Variants in GK observed in about 807,000 individuals in gnomAD.
GK encodes glycerol kinase.
GK carries 9 observed loss-of-function variants against 56.4 expected under a neutral mutation model. The observed-to-expected ratio is 0.16, with a 90% CI of 0.10 to 0.28. The LOEUF (loss-of-function observed/expected upper bound fraction) is 0.28. GK is among the 10% of genes least tolerant of loss of function. GK has a pLI of 1.00. For missense variants in GK, 161 were observed against 431.4 expected, an observed-to-expected ratio of 0.37 and a Z score of 5.55; for synonymous variants, 104 against 144.1, an observed-to-expected ratio of 0.72 and a Z score of 1.99.
intron 4 of GK, among the ~76,000 whole-genome samples, chrX:30,684,822 G>C (rs1293061884): frequency 8.9e-6 from 1 of 111,840 alleles, no homozygotes; most frequent in Non-Finnish European, 1.9e-5. Context: ...TTAAATGGTA[G>C]TGCAAACATT....
At chrX:30,677,259 A>G in intron 3 of GK, 116 bp from the exon 4 acceptor site, 1 of 532,025 alleles carries the variant, frequency 1.9e-6, no homozygotes, top group Non-Finnish European at 3.4e-6. Flanking sequence ...TGTTTCAAGT[A>G]TTTTTTTGAT....
intron 4 of GK, among the ~76,000 whole-genome samples, chrX:30,690,069 G>T (rs1383461015): frequency 8.9e-6 from 1 of 111,831 alleles, no homozygotes; most frequent in Non-Finnish European, 1.9e-5. Flanking sequence ...AGAAAGAATT[G>T]ATTAAAATTT....
At chrX:30,702,386 G>C (rs1315662062) in intron 11 of GK, among the ~76,000 whole-genome samples, 2 of 112,317 alleles carry the variant, frequency 1.8e-5, no homozygotes, top group African/African-American at 6.5e-5. Flanking sequence ...CCAATTATAC[G>C]TATTCATGAA....
At chrX:30,670,706 TG>T (rs1210870192) in intron 3 of GK, among the ~76,000 whole-genome samples, 1 of 112,289 alleles carries the variant, frequency 8.9e-6, no homozygotes, top group Non-Finnish European at 1.9e-5. Context: ...TAAAGGAGGC[TG>T]GGTGCAGTGG....
chrX:30,707,716 G>T, intron 12 of GK, 118 bp downstream of exon 12: 1 of 477,557 alleles, frequency 2.1e-6, no homozygotes, highest in Admixed American at 3.7e-5. Context: ...CTTTATCAGG[G>T]TTTAATTTAG....
intron 2 of GK, among the ~76,000 whole-genome samples, chrX:30,666,899 A>G (rs758759622): frequency 8.9e-6 from 1 of 111,811 alleles, no homozygotes; most frequent in South Asian, 3.6e-4. Context: ...TCACGCCTGT[A>G]ATCCCAGCAC....
In GK at chrX:30,728,987, C is replaced by T. The variant is rs1332994966; in HGVS notation, c.*245C>T. On this transcript the variant is annotated 3_prime_UTR_variant, in exon 21 of 21. Transcript: ENST00000427190. ...TCCACAGTTAAGGTTGGGCCAGCTACCTTTGGGGCTGACCCCCTCCATTGC... is the reference window on the plus strand; with the variant it reads ...TCCACAGTTAAGGTTGGGCCAGCTATCTTTGGGGCTGACCCCCTCCATTGC... 5.2e-6 allele frequency: 2 copies of T among 385,257 alleles called. No homozygotes were observed. The highest frequency in any genetic ancestry group is 4.4e-5 in the Admixed American group (1 of 22,800). The allele number at this position is 385,257 out of a possible 1,213,427, so 31.7% of individuals were successfully genotyped here.
chrX:30,662,869 C>CTTT (rs10644351), intron 1 of GK, among the ~76,000 whole-genome samples: 7 of 60,311 alleles, frequency 1.2e-4, no homozygotes, highest in East Asian at 4.8e-4. Flanking sequence ...TTCTTTCTTT[C>CTTT]TCTTTCTTTC....
In GK at chrX:30,674,556, C is replaced by G. The variant is rs1264892432; in HGVS notation, c.260-2819C>G. 1.4e-5 allele frequency: 3 copies of G among 211,341 alleles called. No homozygotes were observed. In the East Asian group the frequency reaches 3.4e-4, roughly 24 times the overall value. The allele number at this position is 211,341 out of a possible 1,213,427, so 17.4% of individuals were successfully genotyped here. ...CCATCCCCTCATTCTCCTTTCTCTT[C>G]TTTATTTACTTTTATAAACATTTTT... On this transcript the variant is annotated intron_variant, in intron 3 of 20. Coordinates refer to ENST00000427190, the MANE Select transcript of GK (RefSeq NM_001205019.2).
intron 5 of GK, among the ~76,000 whole-genome samples, chrX:30,691,705 C>T (rs1330883174): frequency 9.1e-6 from 1 of 110,035 alleles, no homozygotes; most frequent in African/African-American, 3.3e-5. Flanking sequence ...ATCTCCTGAC[C>T]TCATGATCCG....
At position 30,679,321 on chromosome X, in the gene GK, G is replaced by A. The variant is rs139989077; in HGVS notation, c.337+1869G>A. ...CTCGCTCTATCTCCCAGGTTCAAGT[G>A]ATTTTCGTGCCTCGGCCTCCCAAGT... is the stretch of plus-strand genomic sequence containing the variant. On this transcript the variant is annotated intron_variant, in intron 4 of 20. Transcript: ENST00000427190. Among the ~76,000 whole-genome samples, 636 of 107,165 alleles carry A rather than the reference G, an allele frequency of 5.9e-3. 4 individuals carry two copies. The highest frequency in any genetic ancestry group is 0.021 in the African/African-American group (607 of 29,318). 93.1% of individuals were successfully genotyped at this position (107,165 alleles called of 115,157 possible).
chrX:30,714,875 C>T (rs1330232174), intron 13 of GK, among the ~76,000 whole-genome samples: 3 of 111,876 alleles, frequency 2.7e-5, no homozygotes, highest in Non-Finnish European at 5.6e-5. Flanking sequence ...AATTTTAGTT[C>T]CCCAACTTGT....
intron 6 of GK, 62 bp downstream of exon 6, chrX:30,694,599 G>A (rs1274977857): frequency 3.1e-6 from 3 of 980,895 alleles, no homozygotes; most frequent in East Asian, 3.1e-5. Context: ...AGACTGCCTT[G>A]CCTATTGTTT....
intron 3 of GK, among the ~76,000 whole-genome samples, chrX:30,674,139 G>A (rs752913013): frequency 9.0e-6 from 1 of 111,614 alleles, no homozygotes; most frequent in South Asian, 3.8e-4. Context: ...CTGTAACCCT[G>A]TAAAGTTGGA....
At chrX:30,699,347 A>T (rs1407072711) in intron 9 of GK, among the ~76,000 whole-genome samples, 6 of 91,381 alleles carry the variant, frequency 6.6e-5, no homozygotes, top group African/African-American at 2.4e-4. Flanking sequence ...CATACGTTTT[A>T]TATATATATA....
chrX:30,693,610 G>T (rs192541701), intron 5 of GK, among the ~76,000 whole-genome samples: 1 of 111,314 alleles, frequency 9.0e-6, no homozygotes, highest in East Asian at 2.8e-4. Context: ...GTGCAGTGGT[G>T]CAATCTCAGC....
At chrX:30,665,704 G>A in intron 2 of GK, 120 bp downstream of exon 2, 1 of 486,621 alleles carries the variant, frequency 2.1e-6, no homozygotes, top group Non-Finnish European at 3.7e-6. Context: ...CATTTGAAAG[G>A]TTGTTATTAG....
At chrX:30,674,954 T>C (rs1251682332) in intron 3 of GK, among the ~76,000 whole-genome samples, 4 of 111,435 alleles carry the variant, frequency 3.6e-5, no homozygotes, top group African/African-American at 1.3e-4. Flanking sequence ...ACAGTTTGAG[T>C]GATATGGACA....
chrX:30,700,566 A>G (rs1935597793), intron 10 of GK, 117 bp downstream of exon 10: 4 of 614,173 alleles, frequency 6.5e-6, no homozygotes, highest in African/African-American at 2.3e-5. Context: ...AAAAGTTGCA[A>G]AATTGGCTAA....
Sources: allele counts gnomAD v4.1 joint callset (sites outside exome capture counted in the v4.1 genomes callset), GRCh38; gene constraint gnomAD v4.1.1; transcripts MANE v1.5; gene names NCBI Gene and HGNC (gene_info 2026-07-23, HGNC 2026-07-21).